The following IRAK3 variants were observed in gnomAD, a reference collection of about 807,000 sequenced individuals.
The protein encoded by IRAK3 is interleukin 1 receptor associated kinase 3.
Under a neutral mutation model 56.6 loss-of-function variants are expected in IRAK3, and 57 were observed. The observed-to-expected ratio is 1.01, with a 90% CI of 0.81 to 1.26. IRAK3 has a LOEUF of 1.26. Among genes scored for constraint, IRAK3 ranks in the 50% most tolerant of loss-of-function variants. The pLI, the probability that IRAK3 is intolerant of heterozygous loss-of-function variation, is 0.00. For missense variants in IRAK3, 703 were observed against 719.0 expected (o/e 0.98, Z 0.25); for synonymous variants, 258 against 255.7 (o/e 1.01, Z -0.09).
At chr12:66,197,397 G>A (rs2052464790) in intron 1 of IRAK3, 12 of 989,394 alleles carry the variant, frequency 1.2e-5, no homozygotes, top group Non-Finnish European at 1.4e-5. Flanking sequence ...CATGTTGAGA[G>A]TTTGCATTCC....
rs1450558762 is a variant in IRAK3 at position 66,215,800 on chromosome 12, A to T, written c.589-1371A>T. Among the ~76,000 whole-genome samples, 233 of 57,234 alleles carry T rather than the reference A, an allele frequency of 4.1e-3. 2 individuals carry two copies. Among genetic ancestry groups the T allele is most frequent in the African/African-American group, 0.013 (218 of 16,990 alleles). 37.5% of individuals were successfully genotyped at this position (57,234 alleles called of 152,430 possible). A position where few individuals can be genotyped will look rare whatever the true frequency, so the allele number is the denominator to read the frequency against. Reference sequence around the variant, plus strand: ...TAACCCAACATGCACACACACACACACACACACACACACACACACACACAC... The same window carrying T: ...TAACCCAACATGCACACACACACACTCACACACACACACACACACACACAC... On this transcript the variant is annotated intron_variant, in intron 5 of 11. Coordinates refer to ENST00000261233, the MANE Select transcript of IRAK3 (RefSeq NM_007199.3).
intron 11 of IRAK3, among the ~76,000 whole-genome samples, chr12:66,246,929 T>G (rs1380914799): frequency 6.6e-6 from 1 of 152,116 alleles, no homozygotes; most frequent in African/African-American, 2.4e-5. Context: ...AATGACAATC[T>G]CTATGTTGGG....
intron 1 of IRAK3, chr12:66,196,939 G>A (rs1483038373): frequency 7.8e-6 from 12 of 1,535,298 alleles, no homozygotes; most frequent in Non-Finnish European, 1.0e-5. Flanking sequence ...TTGGCATGTG[G>A]TTGTATGCAA....
At chr12:66,199,632 G>A (rs1170523501) in intron 1 of IRAK3, among the ~76,000 whole-genome samples, 1 of 152,170 alleles carries the variant, frequency 6.6e-6, no homozygotes, top group East Asian at 1.9e-4. Context: ...TTTAGTTAGA[G>A]GCCTGTCTTC....
At chr12:66,199,481 T>C (rs917962426) in intron 1 of IRAK3, among the ~76,000 whole-genome samples, 3 of 152,196 alleles carry the variant, frequency 2.0e-5, no homozygotes, top group Non-Finnish European at 2.9e-5. Context: ...GTAGTGATTA[T>C]TTTTTCCTCC....
At chr12:66,238,019 G>A (rs929881378) in intron 8 of IRAK3, among the ~76,000 whole-genome samples, 3 of 152,180 alleles carry the variant, frequency 2.0e-5, no homozygotes, top group South Asian at 4.1e-4. Flanking sequence ...AAACAATGTC[G>A]TTGGAGCTGT....
At position 66,248,195 on chromosome 12, in the gene IRAK3, A is replaced by G. The variant is rs7135413; in HGVS notation, c.*24A>G. ...AAATTCTACCAGAAGATAAAGAAAA[A>G]AGCAAGTATTGCATAGGCACCTGAG... On this transcript the variant is annotated 3_prime_UTR_variant, in exon 12 of 12. Transcript: ENST00000261233. 7.3e-3 allele frequency: 11,447 copies of G among 1,576,090 alleles called. 749 individuals carry two copies. The African/African-American group carries it at 0.14, about 19-fold the overall frequency.
chr12:66,246,305 A>C (rs1003613463), intron 11 of IRAK3, among the ~76,000 whole-genome samples: 2 of 152,214 alleles, frequency 1.3e-5, no homozygotes, highest in Non-Finnish European at 2.9e-5. Flanking sequence ...ATAATTCAGC[A>C]TCATGGAGGG....
intron 1 of IRAK3, 58 bp from the exon 2 acceptor site, chr12:66,203,653 C>A: frequency 6.9e-7 from 1 of 1,451,654 alleles, no homozygotes; most frequent in Non-Finnish European, 9.7e-7. Flanking sequence ...TACACAAAAA[C>A]AAGTATTTTG....
At chr12:66,242,313 G>T (rs2052978641) in intron 8 of IRAK3, among the ~76,000 whole-genome samples, 1 of 152,190 alleles carries the variant, frequency 6.6e-6, no homozygotes, top group African/African-American at 2.4e-5. Context: ...AACCCTCAGG[G>T]CATCTCCAGG....
At chr12:66,220,902 G>A (rs919709028) in intron 6 of IRAK3, among the ~76,000 whole-genome samples, 2 of 152,202 alleles carry the variant, frequency 1.3e-5, no homozygotes, top group Middle Eastern at 3.4e-3. Context: ...CTATTTTTGT[G>A]AAAAATGGCA....
intron 1 of IRAK3, among the ~76,000 whole-genome samples, chr12:66,199,476 G>T (rs992527028): frequency 6.6e-6 from 1 of 152,160 alleles, no homozygotes; most frequent in Non-Finnish European, 1.5e-5. Flanking sequence ...AAACTGTAGT[G>T]ATTATTTTTT....
intron 1 of IRAK3, among the ~76,000 whole-genome samples, chr12:66,201,368 C>T (rs2052505943): frequency 6.6e-6 from 1 of 152,088 alleles, no homozygotes; most frequent in Non-Finnish European, 1.5e-5. Context: ...CCCGTGACCA[C>T]CTTCAGATAA....
intron 6 of IRAK3, among the ~76,000 whole-genome samples, chr12:66,217,486 A>G (rs780308783): frequency 1.3e-5 from 2 of 152,214 alleles, no homozygotes; most frequent in Non-Finnish European, 2.9e-5. Context: ...ATCATGTGTG[A>G]CTAACATGGC....
In IRAK3 at chr12:66,196,062, TGTAA is replaced by T. The variant is rs897858784; in HGVS notation, c.133+6634_133+6637del. Among the ~76,000 whole-genome samples the T allele has an allele frequency of 7.4e-4, 113 of 152,216 alleles. 1 individual carries two copies. The highest frequency in any genetic ancestry group is 2.4e-3 in the African/African-American group (100 of 41,546). The stretch of plus-strand genomic sequence containing the variant: ...TATCACCTCTCACATACTTTATGTA[TGTAA>T]GTATCTCTATGTATATATAAAATAA... On this transcript the variant is annotated intron_variant, in intron 1 of 11. Transcript: ENST00000261233.
At chr12:66,207,033 T>C (rs2052564828) in intron 2 of IRAK3, among the ~76,000 whole-genome samples, 1 of 152,238 alleles carries the variant, frequency 6.6e-6, no homozygotes, top group Admixed American at 6.5e-5. Context: ...TTTATTTCTG[T>C]GAGGTCAGTA....
chr12:66,245,441 G>T (rs1666967421), intron 11 of IRAK3, among the ~76,000 whole-genome samples, 179 bp downstream of exon 11: 1 of 150,872 alleles, frequency 6.6e-6, no homozygotes. Flanking sequence ...TACTCTGTTA[G>T]AGGTCATTTC....
chr12:66,208,581 T>C (rs564217009), intron 2 of IRAK3, among the ~76,000 whole-genome samples: 24 of 151,234 alleles, frequency 1.6e-4, no homozygotes, highest in African/African-American at 5.6e-4. Context: ...GCCAACATGG[T>C]GAAACCCTGT....
rs578101342 is a variant in IRAK3, at chr12:66,194,777, C to A, written c.133+5345C>A. Among the ~76,000 whole-genome samples, 21 of 149,452 alleles carry A rather than the reference C, an allele frequency of 1.4e-4. No homozygotes were observed. In the East Asian group the frequency reaches 3.9e-3, roughly 28 times the overall value. Reference sequence around the variant, plus strand: ...CTGGGAGGCCAAGGTTGCAGTGAGCCGGGATCACACTACCGTACTCCAGAC... The same window carrying A: ...CTGGGAGGCCAAGGTTGCAGTGAGCAGGGATCACACTACCGTACTCCAGAC... On this transcript the variant is annotated intron_variant, in intron 1 of 11. Transcript: ENST00000261233.
Sources: allele counts gnomAD v4.1 joint callset (sites outside exome capture counted in the v4.1 genomes callset), GRCh38; gene constraint gnomAD v4.1.1; transcripts MANE v1.5; gene names NCBI Gene and HGNC (gene_info 2026-07-23, HGNC 2026-07-21).